Variants in MCF2L observed in about 807,000 individuals in gnomAD.
MCF2L encodes the protein guanine nucleotide exchange factor DBS.
MCF2L carries 97 observed loss-of-function variants against 153.4 expected under a neutral mutation model. The observed-to-expected ratio is 0.63, with a 90% CI of 0.54 to 0.75. The LOEUF (loss-of-function observed/expected upper bound fraction) is 0.75, where lower values mean the gene tolerates loss of function less well. Ranked by LOEUF, MCF2L falls within the 30% of genes least tolerant of loss-of-function variation. The pLI, the probability that MCF2L is intolerant of heterozygous loss-of-function variation, is 0.00. For synonymous variants in MCF2L, 659 were observed against 632.2 expected (o/e 1.04, Z -0.64); for missense variants, 1,347 against 1,495.2 (o/e 0.90, Z 1.64).
At chr13:113,034,825 C>T (rs954062207) in intron 3 of MCF2L, among the ~76,000 whole-genome samples, 4 of 152,184 alleles carry the variant, frequency 2.6e-5, no homozygotes, top group African/African-American at 4.8e-5. Context: ...TGACAGTCCC[C>T]GGAGGTTAGG....
rs74115766 is a variant in MCF2L, at chr13:113,046,021, A to G, written c.369+660A>G. ...TCCAAGGACTTTCCCTTGGCATCCGAGAGTCTGTTTGCAGATTCTGCACGC... is the reference window on the plus strand; with the variant it reads ...TCCAAGGACTTTCCCTTGGCATCCGGGAGTCTGTTTGCAGATTCTGCACGC... On this transcript the variant is annotated intron_variant, in intron 4 of 29. Coordinates refer to ENST00000535094, the MANE Select transcript of MCF2L (RefSeq NM_001112732.3). The surrounding 1 kb of genome is among the most constrained non-coding windows in gnomAD (Gnocchi z 4.4). The G allele has an allele frequency of 0.017, 2,617 of 155,632 alleles. 74 individuals are homozygous for G. Among genetic ancestry groups the G allele is most frequent in the African/African-American group, 0.059 (2,447 of 41,498 alleles). 9.6% of individuals were successfully genotyped at this position (155,632 alleles called of 1,614,324 possible).
At chr13:113,071,180 C>T (rs1329467408) in intron 9 of MCF2L, among the ~76,000 whole-genome samples, 1 of 152,270 alleles carries the variant, frequency 6.6e-6, no homozygotes, top group African/African-American at 2.4e-5. Flanking sequence ...ATTTGCCATT[C>T]GCATATCCTC....
At chr13:112,955,394 T>C (rs1594378628) in intron 2 of MCF2L, among the ~76,000 whole-genome samples, 1 of 152,204 alleles carries the variant, frequency 6.6e-6, no homozygotes, top group African/African-American at 2.4e-5. Context: ...TGTGGCTATT[T>C]CCATGGCCCA....
intron 8 of MCF2L, among the ~76,000 whole-genome samples, chr13:113,066,543 C>G (rs2032392183): frequency 6.6e-6 from 1 of 152,182 alleles, no homozygotes; most frequent in African/African-American, 2.4e-5. Context: ...TGGGGTTCTC[C>G]TTGCTGCAGA....
intron 1 of MCF2L, chr13:113,002,134 G>T: frequency 1.0e-6 from 1 of 976,766 alleles, no homozygotes; most frequent in Non-Finnish European, 1.4e-6. Context: ...GCCGGGGATG[G>T]ATGTTGGGGT....
intron 15 of MCF2L, among the ~76,000 whole-genome samples, chr13:113,079,409 G>T (rs1329823423): frequency 2.7e-4 from 40 of 146,196 alleles, no homozygotes; most frequent in Admixed American, 2.7e-3. Context: ...CACCGACCAG[G>T]CACCCGCCAC....
chr13:112,993,333 T>G lies in MCF2L; in HGVS notation c.80-21430T>G, dbSNP rs1028174971. The stretch of plus-strand genomic sequence containing the variant: ...GCTTGGTGGGCAGTAGGGGCCGACC[T>G]GAGGGCTCTGGGGTCAACACCGGTC... On this transcript the variant is annotated intron_variant, in intron 1 of 29. Coordinates refer to ENST00000535094, the MANE Select transcript of MCF2L (RefSeq NM_001112732.3). This position sits in a 1 kb window ranked among gnomAD's most constrained non-coding sequence, Gnocchi z 4.6. 1.3e-5 allele frequency among the ~76,000 whole-genome samples: 2 copies of G among 152,182 alleles called. No homozygotes were observed. Among genetic ancestry groups the G allele is most frequent in the Non-Finnish European group, 2.9e-5 (2 of 68,030 alleles).
At chr13:112,987,370 C>T (rs2082692672) in intron 1 of MCF2L, among the ~76,000 whole-genome samples, 1 of 152,250 alleles carries the variant, frequency 6.6e-6, no homozygotes, top group Non-Finnish European at 1.5e-5. Context: ...AGCACAAGGT[C>T]AGCACCAGCA....
chr13:113,005,104 C>T (rs1431873012), intron 1 of MCF2L, among the ~76,000 whole-genome samples: 2 of 152,136 alleles, frequency 1.3e-5, no homozygotes, highest in East Asian at 1.9e-4. Context: ...AGTGGATGGG[C>T]GCGTGAAGAT....
rs1418195218 is a variant in MCF2L, at chr13:113,096,553, C to T, written c.3192C>T (p.Tyr1064=). The T allele has an allele frequency of 1.2e-5, 19 of 1,603,694 alleles. No homozygotes were observed. Among genetic ancestry groups the T allele is most frequent in the Non-Finnish European group, 1.5e-5 (18 of 1,177,288 alleles). ...CGCTGACCCTCGCCCCTTGCAGGTA[C>T]GTCAGGGACCCGACCACTGGCAAGG... ...LVQEGDEGLW[Y]VRDPTTGKEG... Residue 1064 remains tyrosine (Y), a synonymous_variant, in exon 29 of 30, where the codon TAC becomes TAT. Coordinates refer to ENST00000535094, the MANE Select transcript of MCF2L (RefSeq NM_001112732.3).
chr13:113,034,864 G>GGAGGTGAGGAAGGTCTGCCC (rs556411586), intron 3 of MCF2L, among the ~76,000 whole-genome samples: 108 of 150,818 alleles, frequency 7.2e-4, no homozygotes, highest in African/African-American at 2.3e-3. Flanking sequence ...GCCACAGATC[G>GGAGGTGAGGAAGGTCTGCCC]GAGGTGAGGA....
intron 26 of MCF2L, chr13:113,091,259 T>G: frequency 7.8e-7 from 1 of 1,286,922 alleles, no homozygotes; most frequent in Non-Finnish European, 1.0e-6. Context: ...CCCAGCTGGC[T>G]GTCAGGTGGC....
Position 113,094,551 on chromosome 13 carries a change from G to A in MCF2L, c.2991G>A (p.Glu997=). The change falls in exon 27 of 30, where the codon GAG becomes GAA. Residue 997 remains glutamate, a synonymous_variant. Transcript: ENST00000535094. Reference sequence around the variant, plus strand: ...CGTCCCACTCACTGGAGGCACCTGAGGACGACGGGGGCTGGTCAAGTGCAG... The same window carrying A: ...CGTCCCACTCACTGGAGGCACCTGAAGACGACGGGGGCTGGTCAAGTGCAG... ...SKTSHSLEAP[E]DDGGWSSAEE... is the part of the protein sequence containing the mutation. 3.7e-6 allele frequency: 6 copies of A among 1,612,560 alleles called. No homozygotes were observed. Among genetic ancestry groups the A allele is most frequent in the South Asian group, 1.1e-5 (1 of 91,048 alleles).
intron 1 of MCF2L, among the ~76,000 whole-genome samples, chr13:112,896,755 ACT>A (rs1412244272): frequency 6.6e-6 from 1 of 151,794 alleles, no homozygotes; most frequent in African/African-American, 2.4e-5. Context: ...ACGCTGTGAG[ACT>A]CTCATGTGGC....
At position 112,995,416 on chromosome 13, in the gene MCF2L, C is replaced by T. The variant is rs190982353; in HGVS notation, c.80-19347C>T. On this transcript the variant is annotated intron_variant, in intron 1 of 29. Coordinates refer to ENST00000535094, the MANE Select transcript of MCF2L (RefSeq NM_001112732.3). Reference sequence around the variant, plus strand: ...CTGTATGAGAGCTTAGGGCAGCATCCAGTATACAGTTGTGCTTAGTACGTG... The same window carrying T: ...CTGTATGAGAGCTTAGGGCAGCATCTAGTATACAGTTGTGCTTAGTACGTG... Among the ~76,000 whole-genome samples the T allele has an allele frequency of 2.1e-3, 325 of 152,384 alleles. 2 individuals carry two copies. Among genetic ancestry groups the T allele is most frequent in the African/African-American group, 7.6e-3 (315 of 41,590 alleles).
At chr13:112,945,752 G>A (rs769816247) in intron 2 of MCF2L, among the ~76,000 whole-genome samples, 5 of 152,222 alleles carry the variant, frequency 3.3e-5, no homozygotes, top group Non-Finnish European at 1.5e-5. Flanking sequence ...AAGTGTGCCT[G>A]GCACAGTCTG....
In MCF2L at chr13:113,076,977, G is replaced by A. The variant is rs1013380879; in HGVS notation, c.1501-75G>A. On this transcript the variant is annotated intron_variant, in intron 12 of 29. Transcript: ENST00000535094. The stretch of plus-strand genomic sequence containing the variant: ...GCGGGGGTTGGGCGTGCCCCGGCAC[G>A]TTCTGCGCCTGACTGTGTATTTTTA... 37 of 1,502,652 alleles carry A rather than the reference G, an allele frequency of 2.5e-5. 1 individual carries two copies. The highest frequency in any genetic ancestry group is 3.5e-4 in the Middle Eastern group (2 of 5,698). 93.1% of individuals were successfully genotyped at this position (1,502,652 alleles called of 1,614,324 possible). A position where few individuals can be genotyped will look rare whatever the true frequency, so the allele number is the denominator to read the frequency against.
At chr13:112,968,483 C>T, upstream of MCF2L, 1 of 1,588,234 alleles carries the variant, frequency 6.3e-7, no homozygotes, top group Non-Finnish European at 8.5e-7. Flanking sequence ...GGTGGAGAGC[C>T]CCGTGCCTGC....
At chr13:113,019,036 C>A (rs2084712529) in intron 2 of MCF2L, among the ~76,000 whole-genome samples, 1 of 152,210 alleles carries the variant, frequency 6.6e-6, no homozygotes, top group East Asian at 1.9e-4. Context: ...TGCTCTCCTC[C>A]CGGGAAGAAC....
Sources: gnomAD v4.1 joint callset for allele counts (sites outside exome capture counted in the v4.1 genomes callset) on GRCh38, gnomAD v4.1.1 for gene constraint, Gnocchi (gnomAD v3.1) non-coding constraint, MANE v1.5 for transcripts, NCBI Gene and HGNC (gene_info 2026-07-23, HGNC 2026-07-21) for gene names.